Variants in BAZ2B observed in about 807,000 individuals in gnomAD.
BAZ2B encodes the protein bromodomain adjacent to zinc finger domain protein 2B.
A neutral mutation model predicts 246.0 loss-of-function variants in BAZ2B; 91 were observed. The observed-to-expected ratio is 0.37, with a 90% CI of 0.31 to 0.44. BAZ2B has a LOEUF of 0.44. BAZ2B is among the 20% of genes least tolerant of loss of function. The pLI is 1.00. For synonymous variants in BAZ2B, 855 were observed against 860.0 expected (o/e 0.99, Z 0.10); for missense variants, 2,332 against 2,533.7 (o/e 0.92, Z 1.71).
intron 3 of BAZ2B, chr2:159,462,839 G>A: frequency 6.3e-7 from 1 of 1,578,158 alleles, no homozygotes; most frequent in African/African-American, 1.3e-5. Context: ...CAGTACAGAA[G>A]CCGTTGGAAT....
At chr2:159,453,951 C>A in intron 3 of BAZ2B, 150 bp from the exon 4 acceptor site, 3 of 581,462 alleles carry the variant, frequency 5.2e-6, no homozygotes, top group Non-Finnish European at 5.1e-6. Context: ...TCTTCAAACC[C>A]TATAAAATGT....
intron 32 of BAZ2B, 132 bp downstream of exon 32, chr2:159,337,435 T>G (rs1413290927): frequency 1.3e-6 from 2 of 1,565,522 alleles, no homozygotes; most frequent in Non-Finnish European, 1.7e-6. Flanking sequence ...AGCACAATAA[T>G]TTTTCAAGTT....
the BAZ2B span, among the ~76,000 whole-genome samples, chr2:159,646,159 G>A: frequency 1.3e-5 from 2 of 152,138 alleles, no homozygotes; most frequent in Non-Finnish European, 2.9e-5. Flanking sequence ...ACCCAAGGGG[G>A]CCATTTTAGA....
intron 3 of BAZ2B, chr2:159,462,919 C>A (rs530436254): frequency 6.6e-7 from 1 of 1,512,330 alleles, no homozygotes; most frequent in East Asian, 2.3e-5. Flanking sequence ...CCTCCATCTA[C>A]TTGTTTTGGC....
intron 20 of BAZ2B, among the ~76,000 whole-genome samples, chr2:159,392,684 G>A (rs996120847): frequency 1.3e-5 from 2 of 152,130 alleles, no homozygotes; most frequent in Non-Finnish European, 2.9e-5. Flanking sequence ...TCTGACTACA[G>A]TAGTGATATG....
At chr2:159,477,480 T>C (rs1357225753) in intron 3 of BAZ2B, among the ~76,000 whole-genome samples, 2 of 152,054 alleles carry the variant, frequency 1.3e-5, no homozygotes, top group Non-Finnish European at 1.5e-5. Flanking sequence ...ATTCCATTGA[T>C]TGGAAAAACA....
intron 2 of BAZ2B, among the ~76,000 whole-genome samples, chr2:159,554,702 TGAA>T (rs1299098717): frequency 4.6e-5 from 7 of 152,120 alleles, no homozygotes; most frequent in African/African-American, 1.7e-4. Context: ...TTAAAACAGT[TGAA>T]GAAGCAGGAT....
intron 3 of BAZ2B, among the ~76,000 whole-genome samples, chr2:159,456,238 C>T (rs1306085178): frequency 6.6e-6 from 1 of 151,836 alleles, no homozygotes; most frequent in Admixed American, 6.6e-5. Flanking sequence ...ACTGTAATTA[C>T]AATTAGTTGT....
the BAZ2B span, among the ~76,000 whole-genome samples, chr2:159,698,306 G>A: frequency 6.6e-6 from 1 of 151,928 alleles, no homozygotes; most frequent in Non-Finnish European, 1.5e-5. Context: ...AGGATTGCTT[G>A]AGTCCATTGA....
At chr2:159,544,529 G>A (rs2087069995) in intron 2 of BAZ2B, among the ~76,000 whole-genome samples, 1 of 152,162 alleles carries the variant, frequency 6.6e-6, no homozygotes, top group Admixed American at 6.5e-5. Context: ...AGAAGAAAAT[G>A]AGTTCAAGTT....
chr2:159,510,076 C>G (rs2082760813), intron 2 of BAZ2B, among the ~76,000 whole-genome samples: 1 of 152,002 alleles, frequency 6.6e-6, no homozygotes, highest in Non-Finnish European at 1.5e-5. Flanking sequence ...TATGATTCCA[C>G]TTATGAAAAA....
the BAZ2B span, chr2:159,689,376 T>A: frequency 4.7e-6 from 1 of 213,978 alleles, no homozygotes; most frequent in Admixed American, 6.3e-5. Context: ...ACTTTCCTTT[T>A]TTTTTTTTTT....
intron 3 of BAZ2B, among the ~76,000 whole-genome samples, chr2:159,465,989 A>G (rs1339318923): frequency 6.6e-6 from 1 of 152,198 alleles, no homozygotes; most frequent in Non-Finnish European, 1.5e-5. Flanking sequence ...ACTAAAAGAG[A>G]AAATCATGCT....
chr2:159,545,907 A>G (rs1052910293), intron 2 of BAZ2B, among the ~76,000 whole-genome samples: 3 of 152,230 alleles, frequency 2.0e-5, no homozygotes, highest in African/African-American at 7.2e-5. Flanking sequence ...ATAGAAAAAT[A>G]CAACTACGGA....
In BAZ2B at chr2:159,430,956, G is replaced by C. The variant is rs1473993412; in HGVS notation, c.2101C>G (p.Pro701Ala). ...TPRNLHIAKA[P>A]GSAPAALCSE... ...CATAAGGCAGCAGGAGCAGAGCCTG[G>C]GGCTTTTGCTATGTGGAGGTTACGA... Residue 701 changes from proline (P) to alanine (A), a missense_variant, in exon 10 of 37, where the codon CCA becomes GCA. Coordinates refer to ENST00000392783, the MANE Select transcript of BAZ2B (RefSeq NM_013450.4). 6.2e-7 allele frequency: 1 copy of C among 1,614,006 alleles called. No homozygotes were observed. Among genetic ancestry groups the C allele is most frequent in the Admixed American group, 1.7e-5 (1 of 60,018 alleles).
intron 3 of BAZ2B, among the ~76,000 whole-genome samples, chr2:159,465,057 T>C (rs766582237): frequency 5.9e-5 from 9 of 152,218 alleles, no homozygotes; most frequent in Non-Finnish European, 1.0e-4. Context: ...ACCACAACTG[T>C]GTGACTTAGA....
chr2:159,324,152 G>A (rs1379140026), intron 36 of BAZ2B, among the ~76,000 whole-genome samples: 4 of 143,316 alleles, frequency 2.8e-5, no homozygotes, highest in Admixed American at 1.5e-4. Flanking sequence ...TAATATACTG[G>A]ATAATAACAA....
intron 13 of BAZ2B, among the ~76,000 whole-genome samples, chr2:159,415,612 C>T (rs908502461): frequency 1.4e-4 from 22 of 152,008 alleles, no homozygotes; most frequent in Non-Finnish European, 2.4e-4. Context: ...AGAGTTAATT[C>T]CTTCAGTATG....
At chr2:159,696,140 AT>A in the BAZ2B span, among the ~76,000 whole-genome samples, 2 of 152,096 alleles carry the variant, frequency 1.3e-5, no homozygotes, top group African/African-American at 4.8e-5. Context: ...CCTATTTTTT[AT>A]TTTACCTTCA....
Sources: gnomAD v4.1 joint callset for allele counts (sites outside exome capture counted in the v4.1 genomes callset) on GRCh38, gnomAD v4.1.1 for gene constraint, MANE v1.5 for transcripts, NCBI Gene and HGNC (gene_info 2026-07-23, HGNC 2026-07-21) for gene names.